CCDC134: variants seen among roughly 807,000 people sequenced by gnomAD.
The protein encoded by CCDC134 is coiled-coil domain-containing protein 134.
CCDC134 carries 27 observed loss-of-function variants against 25.6 expected under a neutral mutation model. That is an observed-to-expected ratio of 1.05 (90% CI 0.78 to 1.45). The LOEUF (loss-of-function observed/expected upper bound fraction) is 1.45. CCDC134 is among the 40% of genes most tolerant of loss of function. CCDC134 has a pLI of 0.00. For missense variants in CCDC134, 261 were observed against 286.7 expected, an observed-to-expected ratio of 0.91 and a Z score of 0.65; for synonymous variants, 110 against 115.0, an observed-to-expected ratio of 0.96 and a Z score of 0.28.
At chr22:41,819,962 TTTATATA>T (rs1175290126) in intron 6 of CCDC134, among the ~76,000 whole-genome samples, 59 of 89,646 alleles carry the variant, frequency 6.6e-4, no homozygotes, top group African/African-American at 2.9e-3. Flanking sequence ...GACTTACCAC[TTTATATA>T]TATATATATA....
chr22:41,825,759 AAG>A lies in CCDC134; in HGVS notation c.629_630del (p.Glu210GlyfsTer18). 6.2e-7 allele frequency: 1 copy of A among 1,614,220 alleles called. No individual in the cohort carries two copies. Among genetic ancestry groups the A allele is most frequent in the Non-Finnish European group, 8.5e-7 (1 of 1,180,026 alleles). ...AGAGAAGAAGAGAAACGCCGAAAGAAAGAGGAGAAGCGGAAGGAGATCCGAAA... is the reference window on the plus strand; with the variant it reads ...AGAGAAGAAGAGAAACGCCGAAAGAAAGGAGAAGCGGAAGGAGATCCGAAA... On this transcript the variant is annotated frameshift_variant, in exon 7 of 7. Transcript: ENST00000255784. LOFTEE classifies it high-confidence loss of function. This position sits in a 1 kb window ranked among gnomAD's most constrained non-coding sequence, Gnocchi z 4.4.
At chr22:41,807,189 A>G (rs185894757) in intron 1 of CCDC134, among the ~76,000 whole-genome samples, 8 of 152,340 alleles carry the variant, frequency 5.3e-5, no homozygotes, top group African/African-American at 1.4e-4. Flanking sequence ...AAGTTATACT[A>G]GAGGAAAACA....
intron 1 of CCDC134, among the ~76,000 whole-genome samples, chr22:41,808,470 A>G (rs1038683916): frequency 6.6e-6 from 1 of 152,116 alleles, no homozygotes; most frequent in African/African-American, 2.4e-5. Flanking sequence ...CCCCAGGCAC[A>G]GTGCCTCACC....
At position 41,807,563 on chromosome 22, in the gene CCDC134, A is replaced by G. The variant is rs1001617482; in HGVS notation, c.-16-1312A>G. ...GGCAGCAGAGCAGGACCCTGTCTCAAAAAAAAAAAAAAAAATTACAGGAAC... is the reference window on the plus strand; with the variant it reads ...GGCAGCAGAGCAGGACCCTGTCTCAGAAAAAAAAAAAAAAATTACAGGAAC... On this transcript the variant is annotated intron_variant, in intron 1 of 6. Transcript: ENST00000255784. Among the ~76,000 whole-genome samples, 15 of 148,726 alleles carry G rather than the reference A, an allele frequency of 1.0e-4. 3 individuals are homozygous for G. The South Asian group carries it at 2.7e-3, about 27-fold the overall frequency.
At position 41,813,334 on chromosome 22, in the gene CCDC134, C is replaced by T. The variant is rs373211102; in HGVS notation, c.381C>T (p.His127=). The T allele has an allele frequency of 9.1e-5, 147 of 1,614,188 alleles. 1 individual carries two copies. The highest frequency in any genetic ancestry group is 4.9e-4 in the Middle Eastern group (3 of 6,062). Residue 127 remains histidine (H), a synonymous_variant, in exon 5 of 7, where the codon CAC becomes CAT. Coordinates refer to ENST00000255784, the MANE Select transcript of CCDC134 (RefSeq NM_024821.5). ...TGCTGCGCTTCCCGAGGATTGTGCACTATTACTTTGACCACAACTCCAACT... is the reference window on the plus strand; with the variant it reads ...TGCTGCGCTTCCCGAGGATTGTGCATTATTACTTTGACCACAACTCCAACT... The part of the protein sequence containing the change: ...DVVLRFPRIV[H]YYFDHNSNWN...
At chr22:41,801,993 T>C (rs1201599577) in intron 1 of CCDC134, among the ~76,000 whole-genome samples, 2 of 152,226 alleles carry the variant, frequency 1.3e-5, no homozygotes, top group Non-Finnish European at 2.9e-5. Flanking sequence ...AGTCTGAGGT[T>C]GGACAGGCAG....
intron 4 of CCDC134, among the ~76,000 whole-genome samples, chr22:41,810,716 G>A (rs1030107694): frequency 2.0e-5 from 3 of 151,856 alleles, no homozygotes; most frequent in South Asian, 2.1e-4. Flanking sequence ...GGATGGTCTC[G>A]ATCTCTTGAC....
chr22:41,809,976 T>G lies in CCDC134; in HGVS notation c.201T>G (p.Asp67Glu). 1 of 1,614,130 alleles carries G rather than the reference T, an allele frequency of 6.2e-7. No individual in the cohort carries two copies. The highest frequency in any genetic ancestry group is 2.2e-5 in the East Asian group (1 of 44,876). The change falls in exon 3 of 7, where the codon GAT becomes GAG. Residue 67 changes from aspartate (D) to glutamate (E), a missense_variant. Asp to Glu is a conservative substitution (Grantham distance 45). Coordinates refer to ENST00000255784, the MANE Select transcript of CCDC134 (RefSeq NM_024821.5). ...TCCACCAGCAGTACAAGATCCTTGATGTCATGCTCAAGGGGCTCTTTAAGG... is the reference window on the plus strand; with the variant it reads ...TCCACCAGCAGTACAAGATCCTTGAGGTCATGCTCAAGGGGCTCTTTAAGG... Reference protein sequence around the residue: ...NDIHQQYKILDVMLKGLFKVL... With the variant: ...NDIHQQYKILEVMLKGLFKVL...
intron 1 of CCDC134, among the ~76,000 whole-genome samples, chr22:41,804,850 G>A (rs924466581): frequency 4.6e-5 from 7 of 152,054 alleles, no homozygotes; most frequent in African/African-American, 1.7e-4. Flanking sequence ...TGGGCAGATC[G>A]CTTAAGGCCA....
intron 1 of CCDC134, 111 bp from the exon 2 acceptor site, chr22:41,808,764 G>T: frequency 1.2e-6 from 1 of 826,204 alleles, no homozygotes. Flanking sequence ...CTGGGTTCTT[G>T]GTATACAGAG....
intron 1 of CCDC134, among the ~76,000 whole-genome samples, chr22:41,804,086 T>C (rs908497435): frequency 6.6e-6 from 1 of 152,094 alleles, no homozygotes; most frequent in African/African-American, 2.4e-5. Context: ...TGAGCCGAGA[T>C]TGCACCACTG....
intron 6 of CCDC134, among the ~76,000 whole-genome samples, chr22:41,817,007 T>TA (rs200627245): frequency 0.017 from 2,613 of 152,270 alleles, 74 homozygotes; most frequent in African/African-American, 0.059. Context: ...ACTTAGATCT[T>TA]TCATTCAGAA....
rs1048392829 is a variant in CCDC134, at chr22:41,813,606, C to T, written c.493-145C>T. 5 of 1,175,444 alleles carry T rather than the reference C, an allele frequency of 4.3e-6. No homozygotes were observed. The African/African-American group carries it at 7.6e-5, about 18-fold the overall frequency. 72.8% of individuals were successfully genotyped at this position (1,175,444 alleles called of 1,614,324 possible). A position where few individuals can be genotyped will look rare whatever the true frequency, so the allele number is the denominator to read the frequency against. The stretch of plus-strand genomic sequence containing the variant: ...CACAGAGGCCCCATTTCAAGGGATT[C>T]TGTGCTGACCCAGTTCCCATGGGAT... On this transcript the variant is annotated intron_variant, in intron 5 of 6. Coordinates refer to ENST00000255784, the MANE Select transcript of CCDC134 (RefSeq NM_024821.5).
chr22:41,803,271 C>T (rs2076552910), intron 1 of CCDC134, among the ~76,000 whole-genome samples: 1 of 151,846 alleles, frequency 6.6e-6, no homozygotes, highest in African/African-American at 2.4e-5. Context: ...TCAAAAAACC[C>T]CAAATACCTT....
chr22:41,823,758 T>A (rs775230684), intron 6 of CCDC134, among the ~76,000 whole-genome samples: 1 of 152,196 alleles, frequency 6.6e-6, no homozygotes, highest in Non-Finnish European at 1.5e-5. Context: ...ACAGTCAGAC[T>A]GAGACAGTGT....
chr22:41,812,220 G>T (rs533006859), intron 4 of CCDC134, among the ~76,000 whole-genome samples: 73 of 152,200 alleles, frequency 4.8e-4, no homozygotes, highest in African/African-American at 1.6e-3. Context: ...TCGAGTTTGA[G>T]ACCAGCCTGG....
chr22:41,803,244 C>T (rs2076552793), intron 1 of CCDC134, among the ~76,000 whole-genome samples: 1 of 152,150 alleles, frequency 6.6e-6, no homozygotes, highest in African/African-American at 2.4e-5. Flanking sequence ...GCGTGGGTGA[C>T]AGAGCGAGAC....
In CCDC134 at chr22:41,830,843, C is replaced by T. The variant is rs2076702333; in HGVS notation, c.*5020C>T. 6.6e-6 allele frequency among the ~76,000 whole-genome samples: 1 copy of T among 151,382 alleles called. No individual in the cohort carries two copies. The highest frequency in any genetic ancestry group is 1.9e-4 in the East Asian group (1 of 5,170). On this transcript the variant is annotated 3_prime_UTR_variant, in exon 7 of 7. Transcript: ENST00000255784. ...TGTTGGGTCTTCCATCGTTTTTAACCTTCAGGTGAGCACACAGATCCTTAT... is the reference window on the plus strand; with the variant it reads ...TGTTGGGTCTTCCATCGTTTTTAACTTTCAGGTGAGCACACAGATCCTTAT...
chr22:41,812,627 A>G (rs897413110), intron 4 of CCDC134, among the ~76,000 whole-genome samples: 1 of 150,918 alleles, frequency 6.6e-6, no homozygotes, highest in African/African-American at 2.4e-5. Flanking sequence ...GTGAGACCTC[A>G]CCTCTAAAGT....
Sources: allele counts gnomAD v4.1 joint callset (sites outside exome capture counted in the v4.1 genomes callset), GRCh38; gene constraint gnomAD v4.1.1; non-coding constraint Gnocchi (gnomAD v3.1); transcripts MANE v1.5; gene names NCBI Gene and HGNC (gene_info 2026-07-23, HGNC 2026-07-21).